The following FAM135B variants were observed in gnomAD, a reference collection of about 807,000 sequenced individuals.
The protein encoded by FAM135B is family with sequence similarity 135 member B.
Under a neutral mutation model 127.7 loss-of-function variants are expected in FAM135B, and 43 were observed. The ratio of observed to expected loss-of-function variants is 0.34; its 90% CI spans 0.26 to 0.43. The LOEUF is 0.43. Among genes scored for constraint, FAM135B ranks in the 20% least tolerant of loss-of-function variants. The probability of loss-of-function intolerance (pLI) is 1.00; values close to 1 mark genes in which losing one functional copy is unlikely to be tolerated. For missense variants in FAM135B, 1,558 were observed against 1,725.6 expected (o/e 0.90, Z 1.72); for synonymous variants, 670 against 665.1 (o/e 1.01, Z -0.11).
At position 138,430,344 on chromosome 8, in the gene FAM135B, T is replaced by C. The variant is rs142192778; in HGVS notation, c.-19-62342A>G. ...AGAAGAACACTGCAAGGACAATTAG[T>C]ATGTATTTTTAATATACATGCATAA... is the stretch of plus-strand genomic sequence containing the variant. On this transcript the variant is annotated intron_variant, in intron 1 of 19. Coordinates refer to ENST00000395297, the MANE Select transcript of FAM135B (RefSeq NM_015912.4). Among the ~76,000 whole-genome samples, 312 of 152,326 alleles carry C rather than the reference T, an allele frequency of 2.0e-3. 1 individual carries two copies. Among genetic ancestry groups the C allele is most frequent in the African/African-American group, 7.3e-3 (305 of 41,576 alleles).
chr8:138,236,911 T>A (rs577267064), intron 7 of FAM135B, among the ~76,000 whole-genome samples: 62 of 152,274 alleles, frequency 4.1e-4, no homozygotes, highest in African/African-American at 1.4e-3. Context: ...TAGCACACAG[T>A]AGGGGCTAAA....
At chr8:138,244,043 G>GTTT in intron 6 of FAM135B, among the ~76,000 whole-genome samples, 1 of 152,136 alleles carries the variant, frequency 6.6e-6, no homozygotes, top group Non-Finnish European at 1.5e-5. Flanking sequence ...TAATCCAAGA[G>GTTT]ATCCAGGTTC....
At chr8:138,411,789 T>C (rs572514804) in intron 1 of FAM135B, among the ~76,000 whole-genome samples, 66 of 152,292 alleles carry the variant, frequency 4.3e-4, no homozygotes, top group Middle Eastern at 6.8e-3. Context: ...AGCAGTACTA[T>C]TCATAATAAC....
intron 1 of FAM135B, among the ~76,000 whole-genome samples, chr8:138,428,256 T>C (rs1439670431): frequency 6.6e-6 from 1 of 152,178 alleles, no homozygotes; most frequent in African/African-American, 2.4e-5. Flanking sequence ...GACTAAGTAA[T>C]ACATAGATCT....
At chr8:138,462,697 G>A (rs1246706378) in intron 1 of FAM135B, among the ~76,000 whole-genome samples, 1 of 152,150 alleles carries the variant, frequency 6.6e-6, no homozygotes, top group East Asian at 1.9e-4. Context: ...AAAAAAGGGA[G>A]TTGGTGCCTT....
intron 1 of FAM135B, among the ~76,000 whole-genome samples, chr8:138,379,968 C>G (rs1413965789): frequency 6.6e-6 from 1 of 152,118 alleles, no homozygotes; most frequent in East Asian, 1.9e-4. Flanking sequence ...TCTTGAGAGT[C>G]TATGAATATC....
At chr8:138,299,586 T>TACACACACACAC (rs200452928) in intron 3 of FAM135B, among the ~76,000 whole-genome samples, 1 of 142,878 alleles carries the variant, frequency 7.0e-6, no homozygotes. Context: ...CATACACACA[T>TACACACACACAC]ACACACACAC....
At chr8:138,252,948 C>T (rs1462322797) in intron 5 of FAM135B, among the ~76,000 whole-genome samples, 1 of 152,074 alleles carries the variant, frequency 6.6e-6, no homozygotes, top group East Asian at 1.9e-4. Context: ...TACAAGTGTG[C>T]ACCACCACGC....
intron 1 of FAM135B, chr8:138,440,850 C>T (rs998899490): frequency 2.6e-5 from 4 of 152,024 alleles, no homozygotes; most frequent in Admixed American, 6.6e-5. Context: ...AATTTCCATG[C>T]CCCTTGGTCT....
At chr8:138,310,738 T>G in intron 3 of FAM135B, 103 bp downstream of exon 3, 1 of 992,292 alleles carries the variant, frequency 1.0e-6, no homozygotes, top group Non-Finnish European at 1.5e-6. Flanking sequence ...ACAGATTGAC[T>G]GAGTATGTCT....
chr8:138,410,527 G>A (rs1385109461), intron 1 of FAM135B, among the ~76,000 whole-genome samples: 3 of 152,132 alleles, frequency 2.0e-5, no homozygotes, highest in Admixed American at 2.0e-4. Context: ...GTGAACTTAG[G>A]ACAAAATGCT....
At chr8:138,287,434 T>C (rs1015988062) in intron 3 of FAM135B, among the ~76,000 whole-genome samples, 1 of 151,712 alleles carries the variant, frequency 6.6e-6, no homozygotes, top group South Asian at 2.1e-4. Flanking sequence ...TTGAAGTACA[T>C]TTTGGAAGTC....
At chr8:138,206,402 G>GCATCCCCTCCACCTACCCACAA (rs1817611645) in intron 7 of FAM135B, among the ~76,000 whole-genome samples, 5 of 20,482 alleles carry the variant, frequency 2.4e-4, no homozygotes, top group African/African-American at 6.7e-4. Context: ...CCTACACACA[G>GCATCCCCTCCACCTACCCACAA]CTCTATCGTC....
intron 7 of FAM135B, among the ~76,000 whole-genome samples, chr8:138,215,898 C>T (rs533753218): frequency 2.6e-5 from 4 of 152,072 alleles, no homozygotes; most frequent in African/African-American, 9.7e-5. Flanking sequence ...GACATTCTCT[C>T]GGGAATGAGA....
chr8:138,465,412 G>T (rs1564024083), intron 1 of FAM135B, among the ~76,000 whole-genome samples: 1 of 152,172 alleles, frequency 6.6e-6, no homozygotes, highest in Non-Finnish European at 1.5e-5. Context: ...AGATCATATG[G>T]TAAGTAAGGG....
At chr8:138,451,534 C>A (rs1836482536) in intron 1 of FAM135B, among the ~76,000 whole-genome samples, 1 of 152,132 alleles carries the variant, frequency 6.6e-6, no homozygotes, top group South Asian at 2.1e-4. Flanking sequence ...AAGGGGACAA[C>A]CCCTACAGCA....
At chr8:138,455,206 T>G (rs1257071417) in intron 1 of FAM135B, among the ~76,000 whole-genome samples, 1 of 152,186 alleles carries the variant, frequency 6.6e-6, no homozygotes, top group East Asian at 1.9e-4. Context: ...CTCTGGAGGT[T>G]AAATATGTCT....
intron 16 of FAM135B, among the ~76,000 whole-genome samples, chr8:138,142,594 G>A (rs953915330): frequency 2.0e-5 from 3 of 151,940 alleles, no homozygotes; most frequent in Non-Finnish European, 2.9e-5. Flanking sequence ...GTGAGCCACC[G>A]CGCCCGGCCT....
intron 7 of FAM135B, among the ~76,000 whole-genome samples, chr8:138,225,432 G>T (rs1819336750): frequency 6.7e-6 from 1 of 148,924 alleles, no homozygotes; most frequent in East Asian, 2.0e-4. Context: ...AGAAATAAAT[G>T]TCTGCTATTT....
Sources: allele counts gnomAD v4.1 joint callset (sites outside exome capture counted in the v4.1 genomes callset), GRCh38; gene constraint gnomAD v4.1.1; transcripts MANE v1.5; gene names NCBI Gene and HGNC (gene_info 2026-07-23, HGNC 2026-07-21).